Variants in SBNO1 observed in about 807,000 individuals in gnomAD.
SBNO1 encodes the protein protein strawberry notch homolog 1.
In SBNO1, 23 loss-of-function variants were observed where a neutral mutation model predicts 173.6. The ratio of observed to expected loss-of-function variants is 0.13; its 90% confidence interval spans 0.10 to 0.19. The LOEUF is 0.19. Ranked by LOEUF, SBNO1 falls within the 10% of genes least tolerant of loss-of-function variation. The pLI, the probability that SBNO1 is intolerant of heterozygous loss-of-function variation, is 1.00. For synonymous variants in SBNO1, 632 were observed against 571.5 expected, an observed-to-expected ratio of 1.11 and a Z score of -1.51; for missense variants, 1,238 against 1,671.2, an observed-to-expected ratio of 0.74 and a Z score of 4.52.
At chr12:123,359,590 G>A (rs1472416120) in intron 1 of SBNO1, among the ~76,000 whole-genome samples, 1 of 151,912 alleles carries the variant, frequency 6.6e-6, no homozygotes, top group Non-Finnish European at 1.5e-5. Flanking sequence ...AGTTGTATGG[G>A]TATATGTATA....
chr12:123,354,622 G>A (rs1421280795), intron 1 of SBNO1, among the ~76,000 whole-genome samples: 2 of 152,146 alleles, frequency 1.3e-5, no homozygotes, highest in Non-Finnish European at 2.9e-5. Flanking sequence ...CAAACTGAGA[G>A]AGCCCTTAAA....
Position 123,291,697 on chromosome 12 carries a change from A to C in SBNO1, c.*4211T>G, listed in dbSNP as rs1247524566. 1 of 150,596 alleles carries C rather than the reference A, an allele frequency of 6.6e-6. No homozygotes were observed. The highest frequency in any genetic ancestry group is 1.5e-5 in the Non-Finnish European group (1 of 67,640). 9.3% of individuals were successfully genotyped at this position (150,596 alleles called of 1,614,324 possible). ...CTTTTCTTAAAAAAAAAAAAAAAAA[A>C]AAGTCATAAGATGCCCCATATGGGA... On this transcript the variant is annotated 3_prime_UTR_variant, in exon 32 of 32. Transcript: ENST00000602398.
chr12:123,307,691 A>T (rs1288936606), intron 28 of SBNO1, among the ~76,000 whole-genome samples: 2 of 151,986 alleles, frequency 1.3e-5, no homozygotes, highest in East Asian at 3.9e-4. Flanking sequence ...TTTGGGAGGC[A>T]GAGGTGGGAG....
rs370987290 is a variant in SBNO1 at position 123,364,800 on chromosome 12, A to AGCG, written c.-103_-101dup. On this transcript the variant is annotated 5_prime_UTR_variant, in exon 1 of 32. Coordinates refer to ENST00000602398, the MANE Select transcript of SBNO1 (RefSeq NM_001167856.3). Reference sequence around the variant, plus strand: ...CGGAGGCGGCGGTGGCGGCGGCAGCAGCGGCGTCCTGCTCTGCCTACCTCC... The same window carrying AGCG: ...CGGAGGCGGCGGTGGCGGCGGCAGCAGCGGCGGCGTCCTGCTCTGCCTACCTCC... The AGCG allele has an allele frequency of 0.059, 57,935 of 987,440 alleles. 1,831 individuals carry two copies. Among genetic ancestry groups the AGCG allele is most frequent in the South Asian group, 0.11 (2,396 of 21,984 alleles). The allele number at this position is 987,440 out of a possible 1,614,324, so 61.2% of individuals were successfully genotyped here. A position where few individuals can be genotyped will look rare whatever the true frequency, so the allele number is the denominator to read the frequency against.
chr12:123,334,463 T>C (rs1482426793), intron 6 of SBNO1, among the ~76,000 whole-genome samples: 1 of 152,220 alleles, frequency 6.6e-6, no homozygotes, highest in African/African-American at 2.4e-5. Context: ...ATCCCAGCAC[T>C]TTGGGGGGCC....
chr12:123,331,771 C>T (rs188203738), intron 7 of SBNO1, among the ~76,000 whole-genome samples: 263 of 152,126 alleles, frequency 1.7e-3, no homozygotes, highest in Admixed American at 7.6e-3. Context: ...CCGCCCGCCT[C>T]AGCCTCCCAA....
intron 4 of SBNO1, among the ~76,000 whole-genome samples, chr12:123,343,369 T>A (rs759951122): frequency 6.6e-6 from 1 of 152,098 alleles, no homozygotes; most frequent in African/African-American, 2.4e-5. Context: ...ACCAGAGAAA[T>A]TGTGACAGGT....
At chr12:123,298,323 G>A (rs1434651600) in intron 30 of SBNO1, 152 bp from the exon 31 acceptor site, 2 of 717,812 alleles carry the variant, frequency 2.8e-6, no homozygotes, top group Non-Finnish European at 4.4e-6. Context: ...CTGGAGCGCA[G>A]TGGTGCGATC....
chr12:123,299,768 G>A (rs888190355), intron 30 of SBNO1, among the ~76,000 whole-genome samples: 1 of 151,480 alleles, frequency 6.6e-6, no homozygotes, highest in Admixed American at 6.6e-5. Context: ...CACGAGAATC[G>A]CTTGAACCTG....
intron 25 of SBNO1, among the ~76,000 whole-genome samples, chr12:123,310,813 G>A (rs896997213): frequency 2.0e-5 from 3 of 152,058 alleles, no homozygotes; most frequent in East Asian, 1.9e-4. Flanking sequence ...GATTACAGGC[G>A]TGAGCCACCG....
At chr12:123,349,302 A>G (rs1193470428) in intron 2 of SBNO1, among the ~76,000 whole-genome samples, 1 of 151,960 alleles carries the variant, frequency 6.6e-6, no homozygotes, top group Non-Finnish European at 1.5e-5. Context: ...AGGTCTTGCT[A>G]CGTTGCCCAG....
intron 15 of SBNO1, 149 bp from the exon 16 acceptor site, chr12:123,323,980 C>G (rs1870304529): frequency 1.9e-6 from 1 of 530,676 alleles, no homozygotes; most frequent in Non-Finnish European, 3.0e-6. Context: ...TAGCCCAAAG[C>G]TGTCCAACTA....
chr12:123,338,103 T>A (rs1052140312), intron 5 of SBNO1, among the ~76,000 whole-genome samples: 38 of 152,186 alleles, frequency 2.5e-4, no homozygotes, highest in Non-Finnish European at 4.4e-4. Context: ...ACCATGTAGA[T>A]GTTCACTACA....
At chr12:123,331,126 C>A in intron 8 of SBNO1, 116 bp downstream of exon 8, 1 of 1,038,408 alleles carries the variant, frequency 9.6e-7, no homozygotes. Flanking sequence ...TGACGACCGG[C>A]TGATTTTTTG....
At chr12:123,343,212 G>A (rs1239126160) in intron 4 of SBNO1, among the ~76,000 whole-genome samples, 1 of 152,150 alleles carries the variant, frequency 6.6e-6, no homozygotes, top group Non-Finnish European at 1.5e-5. Flanking sequence ...CAGCCTGGGC[G>A]ATGGAATGAG....
At chr12:123,340,581 C>CAAAAAAAAAA (rs752794679) in intron 5 of SBNO1, among the ~76,000 whole-genome samples, 2 of 46,798 alleles carry the variant, frequency 4.3e-5, no homozygotes, top group Admixed American at 2.6e-4. Context: ...GACTCTGTCT[C>CAAAAAAAAAA]AAAAAAAAAA....
intron 1 of SBNO1, among the ~76,000 whole-genome samples, chr12:123,361,645 A>G (rs1007993610): frequency 6.6e-6 from 1 of 150,674 alleles, no homozygotes; most frequent in Non-Finnish European, 1.5e-5. Flanking sequence ...GAGGCAGGAG[A>G]ATCACTTGAA....
intron 28 of SBNO1, among the ~76,000 whole-genome samples, chr12:123,307,430 C>T (rs1208779729): frequency 6.6e-6 from 1 of 152,170 alleles, no homozygotes; most frequent in Admixed American, 6.6e-5. Flanking sequence ...CAAAACCATA[C>T]ATATCAGACC....
chr12:123,348,945 G>A (rs1873551460), intron 2 of SBNO1: 1 of 149,362 alleles, frequency 6.7e-6, no homozygotes, highest in African/African-American at 2.5e-5. Flanking sequence ...GGGTGACAGA[G>A]TGAGACTCTG....
Sources: gnomAD v4.1 joint callset for allele counts (sites outside exome capture counted in the v4.1 genomes callset) on GRCh38, gnomAD v4.1.1 for gene constraint, MANE v1.5 for transcripts, NCBI Gene and HGNC (gene_info 2026-07-23, HGNC 2026-07-21) for gene names.